Variants in PIP4K2A observed in about 807,000 individuals in gnomAD.
The protein encoded by PIP4K2A is phosphatidylinositol-5-phosphate 4-kinase type 2 alpha.
Under a neutral mutation model 42.9 loss-of-function variants are expected in PIP4K2A, and 14 were observed. That is an observed-to-expected ratio of 0.33 (90% CI 0.22 to 0.51). The LOEUF is 0.51. PIP4K2A is among the 20% of genes least tolerant of loss of function. The pLI, the probability that PIP4K2A is intolerant of heterozygous loss-of-function variation, is 0.97. For synonymous variants in PIP4K2A, 192 were observed against 192.2 expected (o/e 1.00, Z 0.01); for missense variants, 434 against 519.8 (o/e 0.83, Z 1.61).
chr10:22,667,865 C>CTGTGTGTG (rs10603287), intron 1 of PIP4K2A, among the ~76,000 whole-genome samples: 75 of 132,634 alleles, frequency 5.7e-4, no homozygotes, highest in African/African-American at 7.1e-4. Context: ...CAGTGAACTT[C>CTGTGTGTG]TGTGTGTGTG....
chr10:22,712,882 T>C (rs1448795408), intron 1 of PIP4K2A, among the ~76,000 whole-genome samples: 1 of 152,000 alleles, frequency 6.6e-6, no homozygotes, highest in African/African-American at 2.4e-5. Flanking sequence ...ACGATGCTTT[T>C]AGGCATTTTA....
chr10:22,646,005 C>T (rs933186763), intron 1 of PIP4K2A, among the ~76,000 whole-genome samples: 24 of 152,086 alleles, frequency 1.6e-4, no homozygotes, highest in Admixed American at 1.2e-3. Flanking sequence ...TATAGGTGTG[C>T]GCCACTGTGC....
At chr10:22,674,415 C>CAAAA (rs1002492534) in intron 1 of PIP4K2A, among the ~76,000 whole-genome samples, 5,944 of 60,758 alleles carry the variant, frequency 0.098, 303 homozygotes, top group Non-Finnish European at 0.14. Flanking sequence ...CACTTGGGAG[C>CAAAA]AAAAAAAAAA....
chr10:22,578,868 T>TA (rs1277867662), intron 4 of PIP4K2A, among the ~76,000 whole-genome samples: 6 of 152,072 alleles, frequency 3.9e-5, no homozygotes, highest in Non-Finnish European at 5.9e-5. Context: ...AGCAAATAAT[T>TA]AAAAAAACCC....
At position 22,584,260 on chromosome 10, in the gene PIP4K2A, C is replaced by T. The variant is rs184899463; in HGVS notation, c.492+7369G>A. ...AAATCAAGAAACTATCAGGAATGAA[C>T]GGTCAGATTTTGAAAAATCTTCTGG... On this transcript the variant is annotated intron_variant, in intron 4 of 9. Transcript: ENST00000376573. Among the ~76,000 whole-genome samples the T allele has an allele frequency of 1.6e-3, 241 of 151,220 alleles. 1 individual carries two copies. The highest frequency in any genetic ancestry group is 2.3e-3 in the Admixed American group (35 of 15,206).
rs201903932 is a variant in PIP4K2A, at chr10:22,542,006, C to A, written c.834G>T (p.Val278=). The change falls in exon 8 of 10, where the codon GTG becomes GTT. Residue 278 remains valine, a synonymous_variant. Coordinates refer to ENST00000376573, the MANE Select transcript of PIP4K2A (RefSeq NM_005028.5). ...CGGCTCTCTCCACATCATGAATTCC[C>A]ACCAGCAGACTGTAGTCCATGAGCT... ...QLKLMDYSLL[V]GIHDVERAEQ... The A allele has an allele frequency of 3.8e-5, 61 of 1,613,478 alleles. No individual in the cohort carries two copies. The Admixed American group carries it at 8.5e-4, about 22-fold the overall frequency.
At chr10:22,675,214 G>A (rs1408145616) in intron 1 of PIP4K2A, among the ~76,000 whole-genome samples, 2 of 152,156 alleles carry the variant, frequency 1.3e-5, no homozygotes, top group Non-Finnish European at 2.9e-5. Context: ...GGAGATAGTA[G>A]CAAGCAAATG....
In PIP4K2A at chr10:22,541,874, G is replaced by A; in HGVS notation, c.966C>T (p.Asn322=). 6.2e-7 allele frequency: 1 copy of A among 1,612,074 alleles called. No individual in the cohort carries two copies. The highest frequency in any genetic ancestry group is 8.5e-7 in the Non-Finnish European group (1 of 1,178,886). ...CCCCGGGAGCCAGGGGTGGTGAGCT[G>A]TTCAGTGTATTCCCGGGGCTATCTG... ...TPPDSPGNTL[N]SSPPLAPGEF... is the part of the protein sequence containing the mutation. Residue 322 remains asparagine, a synonymous_variant, in exon 8 of 10, where the codon AAC becomes AAT. Transcript: ENST00000376573.
At chr10:22,631,395 C>A (rs908452904) in intron 1 of PIP4K2A, among the ~76,000 whole-genome samples, 1 of 152,082 alleles carries the variant, frequency 6.6e-6, no homozygotes, top group East Asian at 1.9e-4. Flanking sequence ...GAGCTCAATG[C>A]CCCCATCCCC....
intron 1 of PIP4K2A, among the ~76,000 whole-genome samples, chr10:22,627,685 A>C (rs547468591): frequency 6.8e-6 from 1 of 147,156 alleles, no homozygotes; most frequent in Admixed American, 6.8e-5. Flanking sequence ...GATACATGAC[A>C]CATTGTGCTT....
At chr10:22,549,763 C>A (rs1392325937) in intron 7 of PIP4K2A, among the ~76,000 whole-genome samples, 3 of 129,474 alleles carry the variant, frequency 2.3e-5, no homozygotes, top group Non-Finnish European at 4.7e-5. Context: ...ATGGCGTGAA[C>A]CTGGGAGGCA....
intron 1 of PIP4K2A, among the ~76,000 whole-genome samples, chr10:22,655,577 C>T (rs915243597): frequency 6.6e-6 from 1 of 152,180 alleles, no homozygotes; most frequent in Admixed American, 6.5e-5. Flanking sequence ...TCCTTCTAGG[C>T]TTTTGTGTTC....
intron 1 of PIP4K2A, among the ~76,000 whole-genome samples, chr10:22,661,527 T>A (rs1354208273): frequency 1.3e-5 from 2 of 151,916 alleles, no homozygotes; most frequent in South Asian, 2.1e-4. Flanking sequence ...GGCTAAGTTT[T>A]AAAAAAAATT....
At chr10:22,551,219 A>C (rs1342174298) in intron 6 of PIP4K2A, among the ~76,000 whole-genome samples, 1 of 152,120 alleles carries the variant, frequency 6.6e-6, no homozygotes, top group Non-Finnish European at 1.5e-5. Flanking sequence ...TCACATTGCA[A>C]ATAACATGTT....
chr10:22,651,513 C>T (rs2130812801), intron 1 of PIP4K2A, among the ~76,000 whole-genome samples: 1 of 152,344 alleles, frequency 6.6e-6, no homozygotes, highest in African/African-American at 2.4e-5. Flanking sequence ...CTCACTCCCT[C>T]ACTCTGCTTC....
chr10:22,562,035 T>TTGTTTTGATAGCATTTAGTAGAC (rs1180126274), intron 6 of PIP4K2A, among the ~76,000 whole-genome samples: 1 of 152,170 alleles, frequency 6.6e-6, no homozygotes, highest in African/African-American at 2.4e-5. Flanking sequence ...TACCAGTAGA[T>TTGTTTTGATAGCATTTAGTAGAC]TGTTTTGATA....
chr10:22,603,180 G>A (rs1342808236), intron 3 of PIP4K2A, among the ~76,000 whole-genome samples: 10 of 152,142 alleles, frequency 6.6e-5, no homozygotes, highest in African/African-American at 2.4e-4. Context: ...AAGAAGAAAG[G>A]GCATCAGATG....
chr10:22,710,674 T>C (rs533425404), intron 1 of PIP4K2A, among the ~76,000 whole-genome samples: 1 of 152,324 alleles, frequency 6.6e-6, no homozygotes, highest in East Asian at 1.9e-4. Context: ...TTCCTTCTAC[T>C]GTGATAGGCC....
At chr10:22,578,160 T>G (rs989609574) in intron 4 of PIP4K2A, among the ~76,000 whole-genome samples, 4 of 152,258 alleles carry the variant, frequency 2.6e-5, no homozygotes, top group Non-Finnish European at 5.9e-5. Context: ...ATTTTCTGTC[T>G]GCTTGAACAT....
Sources: allele counts gnomAD v4.1 joint callset (sites outside exome capture counted in the v4.1 genomes callset), GRCh38; gene constraint gnomAD v4.1.1; transcripts MANE v1.5; gene names NCBI Gene and HGNC (gene_info 2026-07-23, HGNC 2026-07-21).